ATAD2B: variants seen among roughly 807,000 people sequenced by gnomAD.
ATAD2B encodes ATPase family AAA domain-containing protein 2B.
In ATAD2B, 40 loss-of-function variants were observed where a neutral mutation model predicts 167.6. The observed-to-expected ratio is 0.24, with a 90% CI of 0.19 to 0.31. The LOEUF (loss-of-function observed/expected upper bound fraction) is 0.31, where lower values mean the gene tolerates loss of function less well. ATAD2B is among the 10% of genes least tolerant of loss of function. ATAD2B has a pLI of 1.00. For missense variants in ATAD2B, 1,242 were observed against 1,757.2 expected (o/e 0.71, Z 5.24); for synonymous variants, 579 against 596.5 (o/e 0.97, Z 0.43).
In ATAD2B at chr2:23,798,272, T is replaced by C; in HGVS notation, c.2506A>G (p.Ile836Val). 6.2e-7 allele frequency: 1 copy of C among 1,613,138 alleles called. No individual in the cohort carries two copies. Among genetic ancestry groups the C allele is most frequent in the Non-Finnish European group, 8.5e-7 (1 of 1,179,420 alleles). The change falls in exon 19 of 28, where the codon ATT becomes GTT. Residue 836 changes from isoleucine (I) to valine (V), a missense_variant. This residue lies in a region of ATAD2B where 34 missense variants were observed against 101.1 expected (regional missense o/e 0.34). Coordinates refer to ENST00000238789, the MANE Select transcript of ATAD2B (RefSeq NM_017552.4). ...CTGACAGCTTCCCACCAATCCCCAA[T>C]GTGAGGCATGTAAACAATACTAGGT... ...TVPSIVYMPH[I>V]GDWWEAVSET...
intron 12 of ATAD2B, among the ~76,000 whole-genome samples, chr2:23,862,555 C>A (rs1194983371): frequency 2.0e-5 from 3 of 151,896 alleles, no homozygotes; most frequent in Admixed American, 6.6e-5. Flanking sequence ...GGATTACAGG[C>A]GTCAGCCACT....
At chr2:23,826,014 C>A (rs763406982) in intron 15 of ATAD2B, among the ~76,000 whole-genome samples, 4 of 152,064 alleles carry the variant, frequency 2.6e-5, no homozygotes, top group Admixed American at 6.5e-5. Context: ...AATTTTTTTA[C>A]ATTCGCTTAT....
chr2:23,702,946 G>A, the ATAD2B span, among the ~76,000 whole-genome samples: 3 of 151,346 alleles, frequency 2.0e-5, no homozygotes, highest in South Asian at 6.4e-4. Context: ...CTGCACAGAC[G>A]CTGCCATAGG....
intron 22 of ATAD2B, among the ~76,000 whole-genome samples, chr2:23,781,205 C>T (rs1271216036): frequency 6.6e-6 from 1 of 151,748 alleles, no homozygotes; most frequent in Admixed American, 6.6e-5. Context: ...TAAACATAAA[C>T]AATTTCACAG....
At chr2:23,861,836 C>T (rs2150023403) in intron 12 of ATAD2B, among the ~76,000 whole-genome samples, 1 of 152,272 alleles carries the variant, frequency 6.6e-6, no homozygotes, top group South Asian at 2.1e-4. Flanking sequence ...AGACACTGGA[C>T]ACGTTCAAGG....
At chr2:23,790,557 C>T (rs1343757980) in intron 19 of ATAD2B, among the ~76,000 whole-genome samples, 1 of 152,196 alleles carries the variant, frequency 6.6e-6, no homozygotes, top group Non-Finnish European at 1.5e-5. Flanking sequence ...CTACCAACAC[C>T]TTAGAATCCA....
the ATAD2B span, among the ~76,000 whole-genome samples, chr2:23,680,007 G>A: frequency 6.6e-6 from 1 of 152,206 alleles, no homozygotes; most frequent in African/African-American, 2.4e-5. This position sits in a 1 kb window ranked among gnomAD's most constrained non-coding sequence, Gnocchi z 4.1. Flanking sequence ...GGAACGGGGA[G>A]ACCTCCCAGA....
At chr2:23,765,895 C>T (rs1677342400) in intron 22 of ATAD2B, among the ~76,000 whole-genome samples, 1 of 152,058 alleles carries the variant, frequency 6.6e-6, no homozygotes, top group African/African-American at 2.4e-5. Context: ...GAAAAAGATA[C>T]ATGGTTTCAA....
chr2:23,745,180 A>C (rs1674763712), downstream of ATAD2B, among the ~76,000 whole-genome samples: 1 of 151,924 alleles, frequency 6.6e-6, no homozygotes, highest in South Asian at 2.1e-4. Context: ...CCAGCTACCC[A>C]CGAGGCTGAG....
At chr2:23,919,844 T>C (rs1703642902) in intron 1 of ATAD2B, among the ~76,000 whole-genome samples, 1 of 107,474 alleles carries the variant, frequency 9.3e-6, no homozygotes. Flanking sequence ...AAACTCTGTT[T>C]CAAAAAAAAA....
chr2:23,794,061 G>T (rs1367674548), intron 19 of ATAD2B, among the ~76,000 whole-genome samples: 1 of 152,130 alleles, frequency 6.6e-6, no homozygotes, highest in Non-Finnish European at 1.5e-5. Flanking sequence ...CACCCAGGCT[G>T]GAGTGCAGTG....
chr2:23,681,912 C>T, the ATAD2B span, among the ~76,000 whole-genome samples: 148 of 152,272 alleles, frequency 9.7e-4, 3 homozygotes, highest in East Asian at 0.028. This position sits in a 1 kb window ranked among gnomAD's most constrained non-coding sequence, Gnocchi z 4.2. Context: ...TGGCCCTGTG[C>T]TGTCTCCCCT....
intron 19 of ATAD2B, among the ~76,000 whole-genome samples, chr2:23,790,694 G>A (rs979780471): frequency 1.3e-5 from 2 of 152,070 alleles, no homozygotes; most frequent in African/African-American, 4.8e-5. Flanking sequence ...AACAAATCAC[G>A]CTCTGTTTCA....
Position 23,895,926 on chromosome 2 carries a change from A to G in ATAD2B, c.261T>C (p.Pro87=). The change falls in exon 2 of 28, where the codon CCT becomes CCC. Residue 87 remains proline, a synonymous_variant. Coordinates refer to ENST00000238789, the MANE Select transcript of ATAD2B (RefSeq NM_017552.4). ...GTTGTTTCAAAGTGCGTTTGGCTGG[A>G]GGAGATACGTGGCTATCACTTAAAC... ...DGSLSDSHVS[P]PAKRTLKQPD... 1 of 1,613,442 alleles carries G rather than the reference A, an allele frequency of 6.2e-7. No individual in the cohort carries two copies.
At position 23,919,187 on chromosome 2, in the gene ATAD2B, A is replaced by AG. The variant is rs1703519797; in HGVS notation, c.216+7367_216+7368insC. ...AAAAGACCCCATCTCTATTAAAAAAAAAGAGAGAGAGAGAGAGATTGTCAA... is the reference window on the plus strand; with the variant it reads ...AAAAGACCCCATCTCTATTAAAAAAAGAAGAGAGAGAGAGAGAGATTGTCAA... On this transcript the variant is annotated intron_variant, in intron 1 of 27. Coordinates refer to ENST00000238789, the MANE Select transcript of ATAD2B (RefSeq NM_017552.4). Among the ~76,000 whole-genome samples the AG allele has an allele frequency of 5.4e-5, 7 of 130,494 alleles. No individual in the cohort carries two copies. In the Admixed American group the frequency reaches 5.5e-4, roughly 10 times the overall value. The allele number at this position is 130,494 out of a possible 152,430, so 85.6% of individuals were successfully genotyped here.
At chr2:23,696,037 C>A in the ATAD2B span, 1 of 1,551,774 alleles carries the variant, frequency 6.4e-7, no homozygotes, top group East Asian at 2.4e-5. The surrounding 1 kb of genome is among the most constrained non-coding windows in gnomAD (Gnocchi z 5.5). Flanking sequence ...CTGCTGGAAC[C>A]CGCAGAACAA....
chr2:23,926,732 C>A lies in ATAD2B; in HGVS notation c.39G>T (p.Gly13=), dbSNP rs79432491. 2.5e-5 allele frequency: 39 copies of A among 1,548,418 alleles called. No homozygotes were observed. In the African/African-American group the frequency reaches 5.4e-4, roughly 21 times the overall value. ...NTRKSSLRLL[G]SKSPGPGPGP... Reference sequence around the variant, plus strand: ...CAGGCCCGGGACCAGGAGACTTGGACCCGAGAAGGCGGAGAGAGCTCTTCC... The same window carrying A: ...CAGGCCCGGGACCAGGAGACTTGGAACCGAGAAGGCGGAGAGAGCTCTTCC... Residue 13 remains glycine (G), a synonymous_variant, in exon 1 of 28, where the codon GGG becomes GGT. Transcript: ENST00000238789.
the ATAD2B span, among the ~76,000 whole-genome samples, chr2:23,734,877 A>T: frequency 1.3e-5 from 2 of 151,928 alleles, no homozygotes; most frequent in African/African-American, 4.8e-5. Context: ...TTTATTCTTA[A>T]TTTTTCTTAA....
chr2:23,889,452 G>C (rs546196950), intron 2 of ATAD2B, among the ~76,000 whole-genome samples: 2 of 151,942 alleles, frequency 1.3e-5, no homozygotes, highest in African/African-American at 4.8e-5. Context: ...ACAGGCGTAA[G>C]CCACCGCGCC....
Sources: gnomAD v4.1 joint callset for allele counts (sites outside exome capture counted in the v4.1 genomes callset) on GRCh38, gnomAD v4.1.1 for gene constraint, gnomAD v4.1.1 regional missense constraint, Gnocchi (gnomAD v3.1) non-coding constraint, MANE v1.5 for transcripts, NCBI Gene and HGNC (gene_info 2026-07-23, HGNC 2026-07-21) for gene names.